The following CDH8 variants were observed in gnomAD, a reference collection of about 807,000 sequenced individuals.
CDH8 encodes cadherin 8.
A neutral mutation model predicts 68.1 loss-of-function variants in CDH8; 17 were observed. That is an observed-to-expected ratio of 0.25 (90% CI 0.17 to 0.37). The LOEUF is 0.37. Among genes scored for constraint, CDH8 ranks in the 10% least tolerant of loss-of-function variants. CDH8 has a pLI of 1.00. For synonymous variants in CDH8, 372 were observed against 365.1 expected (o/e 1.02, Z -0.21); for missense variants, 763 against 999.3 (o/e 0.76, Z 3.19).
At position 61,958,052 on chromosome 16, in the gene CDH8, T is replaced by C. The variant is rs76645653; in HGVS notation, c.253-56579A>G. ...ATTACAGGCCATTCTAGGGACTGAA[T>C]AGAGTATGTGGAAATAAAAGAGTTT... is the stretch of plus-strand genomic sequence containing the variant. On this transcript the variant is annotated intron_variant, in intron 2 of 11. Coordinates refer to ENST00000577390, the MANE Select transcript of CDH8 (RefSeq NM_001796.5). 9.3e-3 allele frequency among the ~76,000 whole-genome samples: 1,423 copies of C among 152,238 alleles called. 29 individuals carry two copies. The highest frequency in any genetic ancestry group is 0.032 in the African/African-American group (1,327 of 41,524).
intron 2 of CDH8, among the ~76,000 whole-genome samples, chr16:62,016,098 G>A (rs913553621): frequency 2.6e-5 from 4 of 152,024 alleles, no homozygotes; most frequent in African/African-American, 9.7e-5. Flanking sequence ...TTCAACAACA[G>A]GTTAATGCAT....
At chr16:61,749,031 C>A (rs1480896927) in intron 8 of CDH8, among the ~76,000 whole-genome samples, 1 of 152,100 alleles carries the variant, frequency 6.6e-6, no homozygotes, top group Non-Finnish European at 1.5e-5. Context: ...TTACTGAATA[C>A]TGGCTCTTCA....
At chr16:61,916,938 C>T (rs1057418090) in intron 2 of CDH8, among the ~76,000 whole-genome samples, 2 of 152,098 alleles carry the variant, frequency 1.3e-5, no homozygotes, top group African/African-American at 2.4e-5. Context: ...GAAGTGCTGA[C>T]ATTAAAGAAA....
Position 61,650,706 on chromosome 16 carries a change from T to TGTGTGTGTGTGTGA in CDH8, c.*2901_*2902insTCACACACACACAC, listed in dbSNP as rs745949180. The TGTGTGTGTGTGTGA allele has an allele frequency of 1.7e-5, 2 of 116,594 alleles. No homozygotes were observed. Among genetic ancestry groups the TGTGTGTGTGTGTGA allele is most frequent in the African/African-American group, 6.7e-5 (2 of 29,792 alleles). 7.2% of individuals were successfully genotyped at this position (116,594 alleles called of 1,614,324 possible). Reference sequence around the variant, plus strand: ...GTGTGTGTGTGTGTGTGTGTGTGTGTGAGAGAGAGAGAGAGAGAGAGAGAG... The same window carrying TGTGTGTGTGTGTGA: ...GTGTGTGTGTGTGTGTGTGTGTGTGTGTGTGTGTGTGTGAGAGAGAGAGAGAGAGAGAGAGAGAG... On this transcript the variant is annotated 3_prime_UTR_variant, in exon 12 of 12. Coordinates refer to ENST00000577390, the MANE Select transcript of CDH8 (RefSeq NM_001796.5).
intron 8 of CDH8, among the ~76,000 whole-genome samples, chr16:61,777,830 T>C (rs922673914): frequency 6.6e-6 from 1 of 152,136 alleles, no homozygotes; most frequent in South Asian, 2.1e-4. Context: ...TGGAAGGACA[T>C]GGACCCCAAT....
chr16:61,654,262 A>G (rs1164981498), intron 11 of CDH8, among the ~76,000 whole-genome samples, 161 bp from the exon 12 acceptor site: 4 of 152,204 alleles, frequency 2.6e-5, no homozygotes, highest in Non-Finnish European at 5.9e-5. Context: ...TTTCTGAAGG[A>G]TGAACATTAA....
At chr16:61,946,185 C>T in intron 2 of CDH8, among the ~76,000 whole-genome samples, 1 of 151,914 alleles carries the variant, frequency 6.6e-6, no homozygotes, top group Admixed American at 6.6e-5. Context: ...ACACTCATGG[C>T]CAAAGATCTA....
Position 61,653,378 on chromosome 16 carries a change from C to G in CDH8, c.*230G>C. 3.0e-6 allele frequency: 4 copies of G among 1,321,958 alleles called. No homozygotes were observed. The highest frequency in any genetic ancestry group is 3.8e-6 in the Non-Finnish European group (4 of 1,041,236). The allele number at this position is 1,321,958 out of a possible 1,614,324, so 81.9% of individuals were successfully genotyped here. On this transcript the variant is annotated 3_prime_UTR_variant, in exon 12 of 12. Transcript: ENST00000577390. The stretch of plus-strand genomic sequence containing the variant: ...GTAAATATCAAATATCCAAGGACTT[C>G]TAGACACTCCACATACTTAATTCAC...
chr16:61,817,634 G>A lies in CDH8; in HGVS notation c.1122C>T (p.Asp374=). 1.2e-6 allele frequency: 2 copies of A among 1,613,882 alleles called. No homozygotes were observed. The highest frequency in any genetic ancestry group is 1.7e-6 in the Non-Finnish European group (2 of 1,179,934). Residue 374 remains aspartate (D), a synonymous_variant, in exon 7 of 12, where the codon GAC becomes GAT. Coordinates refer to ENST00000577390, the MANE Select transcript of CDH8 (RefSeq NM_001796.5). Reference sequence around the variant, plus strand: ...CAACCACGATTTTGACTGTCGCCGTGTCTTTAAAGGGCCCCCTGCCACTGA... The same window carrying A: ...CAACCACGATTTTGACTGTCGCCGTATCTTTAAAGGGCCCCCTGCCACTGA... ...PRFSGRGPFK[D]TATVKIVVED...
intron 8 of CDH8, among the ~76,000 whole-genome samples, chr16:61,760,282 A>AC (rs2142967061): frequency 7.6e-6 from 1 of 132,374 alleles, no homozygotes; most frequent in African/African-American, 3.3e-5. Flanking sequence ...TTGGAAGAAA[A>AC]TTTTATTTAT....
chr16:61,653,553 T>G lies in CDH8; in HGVS notation c.*55A>C. The G allele has an allele frequency of 6.5e-7, 1 of 1,529,974 alleles. No homozygotes were observed. The highest frequency in any genetic ancestry group is 8.8e-7 in the Non-Finnish European group (1 of 1,140,772). 94.8% of individuals were successfully genotyped at this position (1,529,974 alleles called of 1,614,324 possible). A position where few individuals can be genotyped will look rare whatever the true frequency, so the allele number is the denominator to read the frequency against. ...CCACATTGGTTGTATCTAAGGGGAG[T>G]GACCCTAGAATATTACAGAATGCTC... On this transcript the variant is annotated 3_prime_UTR_variant, in exon 12 of 12. Coordinates refer to ENST00000577390, the MANE Select transcript of CDH8 (RefSeq NM_001796.5).
chr16:62,019,294 A>G (rs971921083), intron 2 of CDH8, among the ~76,000 whole-genome samples: 2 of 152,222 alleles, frequency 1.3e-5, no homozygotes, highest in Admixed American at 6.5e-5. Context: ...CCTAATATGT[A>G]ATAAGGTATA....
At chr16:61,784,108 G>T (rs891171486) in intron 8 of CDH8, among the ~76,000 whole-genome samples, 6 of 150,812 alleles carry the variant, frequency 4.0e-5, no homozygotes, top group Non-Finnish European at 7.4e-5. Context: ...AATGTAAATG[G>T]ACTAAATTCT....
At position 61,648,082 on chromosome 16, in the gene CDH8, A is replaced by T. The variant is rs755424833; in HGVS notation, c.*5526T>A. ...TGAAACTTCCACACATAAAGGAAGGAGGAGAATACATACAAAAACACTTAC... is the reference window on the plus strand; with the variant it reads ...TGAAACTTCCACACATAAAGGAAGGTGGAGAATACATACAAAAACACTTAC... On this transcript the variant is annotated 3_prime_UTR_variant, in exon 12 of 12. Transcript: ENST00000577390. 8.2e-6 allele frequency: 4 copies of T among 488,362 alleles called. No individual in the cohort carries two copies. The highest frequency in any genetic ancestry group is 1.5e-5 in the Non-Finnish European group (4 of 274,892). 30.3% of individuals were successfully genotyped at this position (488,362 alleles called of 1,614,324 possible).
chr16:61,997,332 G>A (rs891281576), intron 2 of CDH8, among the ~76,000 whole-genome samples: 5 of 152,042 alleles, frequency 3.3e-5, no homozygotes, highest in Admixed American at 2.0e-4. Flanking sequence ...ACATGCCATC[G>A]AAGAGATCCC....
intron 3 of CDH8, among the ~76,000 whole-genome samples, chr16:61,875,788 G>A (rs966706436): frequency 9.9e-5 from 15 of 152,036 alleles, no homozygotes; most frequent in Admixed American, 2.6e-4. Flanking sequence ...TAAATCTCCC[G>A]TTTTCATCCA....
At chr16:61,853,273 T>C (rs1962977812) in intron 4 of CDH8, among the ~76,000 whole-genome samples, 1 of 152,088 alleles carries the variant, frequency 6.6e-6, no homozygotes, top group Non-Finnish European at 1.5e-5. Flanking sequence ...GCAGAACTTA[T>C]CTGTTCCAAA....
At chr16:61,901,106 A>G in intron 3 of CDH8, 73 bp downstream of exon 3, 1 of 1,322,074 alleles carries the variant, frequency 7.6e-7, no homozygotes, top group Non-Finnish European at 1.1e-6. Flanking sequence ...ATTCAGCAAT[A>G]CACCATCCTT....
At chr16:61,776,085 G>A (rs1389081895) in intron 8 of CDH8, among the ~76,000 whole-genome samples, 1 of 152,088 alleles carries the variant, frequency 6.6e-6, no homozygotes, top group African/African-American at 2.4e-5. Context: ...CAAGCACCAG[G>A]TTTCATCTGG....
Sources: gnomAD v4.1 joint callset for allele counts (sites outside exome capture counted in the v4.1 genomes callset) on GRCh38, gnomAD v4.1.1 for gene constraint, MANE v1.5 for transcripts, NCBI Gene and HGNC (gene_info 2026-07-23, HGNC 2026-07-21) for gene names.